HECW2: variants seen among roughly 807,000 people sequenced by gnomAD.
The protein encoded by HECW2 is E3 ubiquitin-protein ligase HECW2.
Under a neutral mutation model 175.2 loss-of-function variants are expected in HECW2, and 61 were observed. That is an observed-to-expected ratio of 0.35 (90% CI 0.28 to 0.43). The LOEUF (loss-of-function observed/expected upper bound fraction) is 0.43, where lower values mean the gene tolerates loss of function less well. Ranked by LOEUF, HECW2 falls within the 20% of genes least tolerant of loss-of-function variation. HECW2 has a pLI of 1.00. For synonymous variants in HECW2, 671 were observed against 731.0 expected, an observed-to-expected ratio of 0.92 and a Z score of 1.32; for missense variants, 1,524 against 2,000.5, an observed-to-expected ratio of 0.76 and a Z score of 4.54.
chr2:196,421,881 T>C (rs1695415320), intron 2 of HECW2, among the ~76,000 whole-genome samples: 1 of 152,106 alleles, frequency 6.6e-6, no homozygotes, highest in Non-Finnish European at 1.5e-5. Context: ...CACCAACCTA[T>C]GCAATTTTCG....
At chr2:196,371,292 A>C (rs1274178991) in intron 2 of HECW2, among the ~76,000 whole-genome samples, 2 of 152,210 alleles carry the variant, frequency 1.3e-5, no homozygotes, top group Non-Finnish European at 2.9e-5. Flanking sequence ...AAACTCAAAA[A>C]CAGACATACA....
chr2:196,370,675 C>T (rs1200684292), intron 2 of HECW2, among the ~76,000 whole-genome samples: 1 of 152,126 alleles, frequency 6.6e-6, no homozygotes, highest in African/African-American at 2.4e-5. Context: ...CCCATGGTGG[C>T]GAGGCTTCCT....
chr2:196,409,039 G>A (rs1695037326), intron 2 of HECW2, among the ~76,000 whole-genome samples: 1 of 152,088 alleles, frequency 6.6e-6, no homozygotes, highest in Admixed American at 6.6e-5. Context: ...GTTAGATGTT[G>A]GTAGCTTGAA....
chr2:196,312,454 T>C (rs1274969536), intron 10 of HECW2, among the ~76,000 whole-genome samples: 5 of 152,208 alleles, frequency 3.3e-5, no homozygotes, highest in African/African-American at 9.6e-5. Context: ...AAATGACAGA[T>C]GACAGTGTTT....
intron 1 of HECW2, among the ~76,000 whole-genome samples, chr2:196,454,633 C>T (rs1020910379): frequency 2.6e-5 from 4 of 152,222 alleles, no homozygotes; most frequent in African/African-American, 7.2e-5. Flanking sequence ...ATTCCCATAT[C>T]TGCAGTGCAG....
rs1183415715 is a variant in HECW2, at chr2:196,329,670, A to C, written c.496-20T>G. 2 of 1,601,694 alleles carry C rather than the reference A, an allele frequency of 1.2e-6. No individual in the cohort carries two copies. The highest frequency in any genetic ancestry group is 3.3e-5 in the Admixed American group (2 of 59,994). On this transcript the variant is annotated intron_variant, in intron 4 of 28. Coordinates refer to ENST00000644978, the MANE Select transcript of HECW2 (RefSeq NM_001348768.2). ...CCCCATCTGAAAAGAAAAAACATGC[A>C]TCTGAAGTTTCAGAAGCATATGATG...
chr2:196,348,823 C>T (rs1693060118), intron 2 of HECW2, among the ~76,000 whole-genome samples: 1 of 152,196 alleles, frequency 6.6e-6, no homozygotes, highest in African/African-American at 2.4e-5. Flanking sequence ...TGGCCACTTC[C>T]CTTTCTCGTT....
At chr2:196,586,541 G>C (rs1447682946) in intron 1 of HECW2, 1 of 152,148 alleles carries the variant, frequency 6.6e-6, no homozygotes, top group Non-Finnish European at 1.5e-5. Flanking sequence ...TGAATCCATA[G>C]TTTCCACTGT....
intron 1 of HECW2, among the ~76,000 whole-genome samples, chr2:196,443,760 T>G (rs1045683464): frequency 2.0e-5 from 3 of 152,362 alleles, no homozygotes; most frequent in African/African-American, 7.2e-5. Flanking sequence ...CCAGGCACTG[T>G]GGCTCACACC....
intron 1 of HECW2, among the ~76,000 whole-genome samples, chr2:196,483,396 T>C (rs1387770804): frequency 6.6e-6 from 1 of 152,226 alleles, no homozygotes; most frequent in Non-Finnish European, 1.5e-5. Flanking sequence ...ATTGACACTT[T>C]AGTTTGATAA....
At chr2:196,376,729 T>C (rs1694062320) in intron 2 of HECW2, among the ~76,000 whole-genome samples, 1 of 149,970 alleles carries the variant, frequency 6.7e-6, no homozygotes, top group East Asian at 1.9e-4. Context: ...AGGTCAGGAG[T>C]TCGAGACCAG....
intron 1 of HECW2, among the ~76,000 whole-genome samples, chr2:196,488,460 T>C (rs558089771): frequency 1.3e-3 from 200 of 152,316 alleles, no homozygotes; most frequent in Non-Finnish European, 2.4e-3. Flanking sequence ...ATGAGCTCTA[T>C]TCCCTTTATG....
chr2:196,283,269 A>G (rs531771625), intron 14 of HECW2, among the ~76,000 whole-genome samples: 19 of 151,114 alleles, frequency 1.3e-4, no homozygotes, highest in African/African-American at 4.4e-4. Context: ...CTCAAAAAAA[A>G]AAAAAAAAAA....
intron 4 of HECW2, among the ~76,000 whole-genome samples, chr2:196,331,616 T>A (rs917594725): frequency 1.2e-4 from 18 of 152,184 alleles, no homozygotes; most frequent in Admixed American, 9.8e-4. Flanking sequence ...TATAAGAAAT[T>A]ATGAGAAACG....
At chr2:196,240,995 G>A (rs115253626) in intron 20 of HECW2, among the ~76,000 whole-genome samples, 1,429 of 135,484 alleles carry the variant, frequency 0.011, 24 homozygotes, top group African/African-American at 0.036. Flanking sequence ...CCAGCAAGAT[G>A]ACTGTGAGAA....
At chr2:196,559,065 A>T (rs1030487657) in intron 1 of HECW2, among the ~76,000 whole-genome samples, 3 of 152,216 alleles carry the variant, frequency 2.0e-5, no homozygotes, top group African/African-American at 7.2e-5. Flanking sequence ...CTCAAAAATC[A>T]GAGACTAAAT....
chr2:196,228,034 G>A, intron 22 of HECW2, 68 bp downstream of exon 22: 2 of 1,357,266 alleles, frequency 1.5e-6, no homozygotes, highest in Non-Finnish European at 2.0e-6. Flanking sequence ...GTTTAAATGT[G>A]GGTTCTATAA....
chr2:196,230,788 T>A (rs1688023624), intron 21 of HECW2, among the ~76,000 whole-genome samples: 1 of 152,212 alleles, frequency 6.6e-6, no homozygotes, highest in South Asian at 2.1e-4. Flanking sequence ...CCATCCTGTC[T>A]GCATGTAGCT....
rs1234857963 is a variant in HECW2 at position 196,228,404 on chromosome 2, A to C, written c.3765-150T>G. The C allele has an allele frequency of 4.2e-6, 3 of 708,392 alleles. No individual in the cohort carries two copies. The African/African-American group carries it at 5.5e-5, about 13-fold the overall frequency. 43.9% of individuals were successfully genotyped at this position (708,392 alleles called of 1,614,324 possible). A position where few individuals can be genotyped will look rare whatever the true frequency, so the allele number is the denominator to read the frequency against. ...TGTCCAAAACAAACTGAATGATCAT[A>C]GTTTCTGATCTCATTGTGTCTTGAC... is the stretch of plus-strand genomic sequence containing the variant. On this transcript the variant is annotated intron_variant, in intron 21 of 28. Coordinates refer to ENST00000644978, the MANE Select transcript of HECW2 (RefSeq NM_001348768.2).
Sources: gnomAD v4.1 joint callset for allele counts (sites outside exome capture counted in the v4.1 genomes callset) on GRCh38, gnomAD v4.1.1 for gene constraint, MANE v1.5 for transcripts, NCBI Gene and HGNC (gene_info 2026-07-23, HGNC 2026-07-21) for gene names.